POMT1: variants seen among roughly 807,000 people sequenced by gnomAD.
POMT1 encodes protein O-mannosyl-transferase 1.
Under a neutral mutation model 101.6 loss-of-function variants are expected in POMT1, and 85 were observed. The ratio of observed to expected loss-of-function variants is 0.84; its 90% CI spans 0.70 to 1.00. The LOEUF (loss-of-function observed/expected upper bound fraction) is 1.00. Ranked by LOEUF, POMT1 falls within the 50% of genes least tolerant of loss-of-function variation. The pLI is 0.00. For missense variants in POMT1, 857 were observed against 930.4 expected (o/e 0.92, Z 1.03); for synonymous variants, 371 against 383.0 (o/e 0.97, Z 0.37).
Position 131,519,416 on chromosome 9 carries a change from AGCTGCACTCACCTGCGCAG to A in POMT1, c.1516_1534del (p.Leu506TrpfsTer23). On this transcript the variant is annotated frameshift_variant, in exon 16 of 20. Transcript: ENST00000402686. LOFTEE classifies it high-confidence loss of function. The surrounding 1 kb of genome is among the most constrained non-coding windows in gnomAD (Gnocchi z 4.3). ...CAGGAGCAGAGGGAGCGGGAACGGGAGCTGCACTCACCTGCGCAGGTGGACGTCAGCAGGAACCTCAGCT... is the reference window on the plus strand; with the variant it reads ...CAGGAGCAGAGGGAGCGGGAACGGGAGTGGACGTCAGCAGGAACCTCAGCT... The A allele has an allele frequency of 6.4e-7, 1 of 1,552,058 alleles. No homozygotes were observed. Among genetic ancestry groups the A allele is most frequent in the Non-Finnish European group, 8.7e-7 (1 of 1,147,268 alleles).
Position 131,522,455 on chromosome 9 carries a change from G to A in POMT1, c.2003+231G>A. On this transcript the variant is annotated intron_variant, in intron 19 of 19. Transcript: ENST00000402686. This position sits in a 1 kb window ranked among gnomAD's most constrained non-coding sequence, Gnocchi z 5.5. ...CAGAGATGAAAGCGGAGTGGGTGGGGAGACGGGGAGGGGATGAAGAGATGT... is the reference window on the plus strand; with the variant it reads ...CAGAGATGAAAGCGGAGTGGGTGGGAAGACGGGGAGGGGATGAAGAGATGT... 1 of 857,430 alleles carries A rather than the reference G, an allele frequency of 1.2e-6. No individual in the cohort carries two copies. Among genetic ancestry groups the A allele is most frequent in the Non-Finnish European group, 1.7e-6 (1 of 571,826 alleles). 53.1% of individuals were successfully genotyped at this position (857,430 alleles called of 1,614,324 possible). A position where few individuals can be genotyped will look rare whatever the true frequency, so the allele number is the denominator to read the frequency against.
rs1296497376 is a variant in POMT1, at chr9:131,518,433, G to C, written c.1273-12G>C. 6.2e-7 allele frequency: 1 copy of C among 1,603,704 alleles called. No homozygotes were observed. The highest frequency in any genetic ancestry group is 1.3e-5 in the African/African-American group (1 of 74,698). ...AAAGGAATGAAATAATCCTTGAGAT[G>C]TCTTTTTGCAGGAAATTGTGAACAG... On this transcript the variant is annotated splice_polypyrimidine_tract_variant and intron_variant, in intron 13 of 19. Coordinates refer to ENST00000402686, the MANE Select transcript of POMT1 (RefSeq NM_001077365.2).
In POMT1 at chr9:131,523,002, A is replaced by G; in HGVS notation, c.2074A>G (p.Asn692Asp). ...AWYSSACHVS[N>D]TLRPLTYGDK... ...GTACTCCTCCGCGTGCCACGTGTCC[A>G]ACACGCTGCGCCCACTCACCTACGG... Residue 692 changes from asparagine to aspartate, a missense_variant, in exon 20 of 20, where the codon AAC becomes GAC. By Grantham distance (23) the Asn-to-Asp change is conservative (BLOSUM62 1). Coordinates refer to ENST00000402686, the MANE Select transcript of POMT1 (RefSeq NM_001077365.2). 6.2e-7 allele frequency: 1 copy of G among 1,609,188 alleles called. No homozygotes were observed. Among genetic ancestry groups the G allele is most frequent in the East Asian group, 2.2e-5 (1 of 44,870 alleles).
intron 2 of POMT1, among the ~76,000 whole-genome samples, chr9:131,504,755 ATGTGTGTG>A (rs1049729805): frequency 4.7e-4 from 70 of 148,902 alleles, no homozygotes; most frequent in Admixed American, 1.5e-3. Context: ...TAATGTGTGT[ATGTGTGTG>A]TGTGTGTGTG....
In POMT1 at chr9:131,521,248, A is replaced by G. The variant is rs569499257; in HGVS notation, c.1699-98A>G. 332 of 1,554,608 alleles carry G rather than the reference A, an allele frequency of 2.1e-4. 7 individuals carry two copies. The South Asian group carries it at 3.3e-3, about 16-fold the overall frequency. ...GTGCCTGGCGTTTTTTCACTCTGCTAAAGTAGTGCGTGCATCTGAATTCCT... is the reference window on the plus strand; with the variant it reads ...GTGCCTGGCGTTTTTTCACTCTGCTGAAGTAGTGCGTGCATCTGAATTCCT... On this transcript the variant is annotated intron_variant, in intron 17 of 19. Coordinates refer to ENST00000402686, the MANE Select transcript of POMT1 (RefSeq NM_001077365.2).
In POMT1 at chr9:131,519,399, G is replaced by A; in HGVS notation, c.1497G>A (p.Gln499=). The A allele has an allele frequency of 1.3e-6, 2 of 1,551,960 alleles. No homozygotes were observed. The highest frequency in any genetic ancestry group is 1.7e-6 in the Non-Finnish European group (2 of 1,147,218). ...EEHRYGASQE[Q]RERERELHSP... is the part of the protein sequence containing the mutation. Reference sequence around the variant, plus strand: ...TGTCTGTTCTGCCAGGCCAGGAGCAGAGGGAGCGGGAACGGGAGCTGCACT... The same window carrying A: ...TGTCTGTTCTGCCAGGCCAGGAGCAAAGGGAGCGGGAACGGGAGCTGCACT... The change falls in exon 16 of 20, where the codon CAG becomes CAA. Residue 499 remains glutamine, a synonymous_variant. Transcript: ENST00000402686. The surrounding 1 kb of genome is among the most constrained non-coding windows in gnomAD (Gnocchi z 4.3).
chr9:131,521,864 C>T (rs964529676), intron 18 of POMT1, among the ~76,000 whole-genome samples, 183 bp from the exon 19 acceptor site: 6 of 152,156 alleles, frequency 3.9e-5, no homozygotes, highest in African/African-American at 1.2e-4. Context: ...AGGCCGGGCG[C>T]GGTGGCTTAC....
chr9:131,518,628 C>G, intron 14 of POMT1, 91 bp downstream of exon 14: 1 of 1,418,604 alleles, frequency 7.0e-7, no homozygotes, highest in Non-Finnish European at 1.0e-6. Context: ...TCTCTGCAGG[C>G]GGAACGCTTC....
At chr9:131,507,861 G>A (rs1946199086) in intron 5 of POMT1, among the ~76,000 whole-genome samples, 1 of 152,218 alleles carries the variant, frequency 6.6e-6, no homozygotes, top group South Asian at 2.1e-4. Flanking sequence ...AATTGAGATG[G>A]ACTCGTGAGT....
chr9:131,511,263 G>A, intron 9 of POMT1, 74 bp from the exon 10 acceptor site: 2 of 1,475,372 alleles, frequency 1.4e-6, no homozygotes, highest in Admixed American at 1.9e-5. Context: ...AGGGAGGAGT[G>A]GCCATCGGGA....
Position 131,502,941 on chromosome 9 carries a change from A to G in POMT1, c.-163A>G, listed in dbSNP as rs1255620864. ...CCGTCTGGCCCCGCAGGCTCGGTGA[A>G]TCGAACGTTGAGCAGGGCGGTGGGT... On this transcript the variant is annotated 5_prime_UTR_variant, in exon 1 of 20. Coordinates refer to ENST00000402686, the MANE Select transcript of POMT1 (RefSeq NM_001077365.2). 2 of 152,252 alleles carry G rather than the reference A, an allele frequency of 1.3e-5. No individual in the cohort carries two copies. The highest frequency in any genetic ancestry group is 2.9e-5 in the Non-Finnish European group (2 of 68,070). The allele number at this position is 152,252 out of a possible 1,614,324, so 9.4% of individuals were successfully genotyped here. A position where few individuals can be genotyped will look rare whatever the true frequency, so the allele number is the denominator to read the frequency against.
At position 131,503,984 on chromosome 9, in the gene POMT1, A is replaced by AT. The variant is rs1405381023; in HGVS notation, c.-30-204dup. 2.6e-5 allele frequency among the ~76,000 whole-genome samples: 4 copies of AT among 152,098 alleles called. No homozygotes were observed. Among genetic ancestry groups the AT allele is most frequent in the Admixed American group, 1.3e-4 (2 of 15,280 alleles). ...AAAGGAGTGAATGTCCAGTCCTGAG[A>AT]TCCCCTGAATTCCCACCCGAGTTCA... On this transcript the variant is annotated intron_variant, in intron 1 of 19. Coordinates refer to ENST00000402686, the MANE Select transcript of POMT1 (RefSeq NM_001077365.2). The surrounding 1 kb of genome is among the most constrained non-coding windows in gnomAD (Gnocchi z 4.4).
intron 9 of POMT1, chr9:131,510,832 T>TA (rs1243968748): frequency 5.9e-6 from 2 of 337,678 alleles, no homozygotes; most frequent in Non-Finnish European, 1.1e-5. Context: ...AGTCAAGTCT[T>TA]ACAAACCCTG....
chr9:131,515,663 C>T, intron 13 of POMT1, 141 bp downstream of exon 13: 1 of 795,740 alleles, frequency 1.3e-6, no homozygotes, highest in South Asian at 1.4e-5. Flanking sequence ...CTTCCTCTAA[C>T]ACGGAGCACT....
Position 131,520,986 on chromosome 9 carries a change from T to C in POMT1, c.1699-360T>C, listed in dbSNP as rs1458924651. 12 of 346,648 alleles carry C rather than the reference T, an allele frequency of 3.5e-5. No individual in the cohort carries two copies. In the Admixed American group the frequency reaches 4.7e-4, roughly 14 times the overall value. The allele number at this position is 346,648 out of a possible 1,614,324, so 21.5% of individuals were successfully genotyped here. On this transcript the variant is annotated intron_variant, in intron 17 of 19. Coordinates refer to ENST00000402686, the MANE Select transcript of POMT1 (RefSeq NM_001077365.2). ...GCCTCCAAGTAGCTGGTATTACAGGTGCCCACCGCAATGCCCAGCTAATTT... is the reference window on the plus strand; with the variant it reads ...GCCTCCAAGTAGCTGGTATTACAGGCGCCCACCGCAATGCCCAGCTAATTT...
chr9:131,515,902 A>G (rs1404829091), intron 13 of POMT1, among the ~76,000 whole-genome samples: 2 of 117,342 alleles, frequency 1.7e-5, no homozygotes, highest in African/African-American at 6.4e-5. Context: ...CACATGGAGC[A>G]CTTCCTCACA....
In POMT1 at chr9:131,522,073, G is replaced by A. The variant is rs1400938636; in HGVS notation, c.1852G>A (p.Gly618Arg). 2 of 1,613,992 alleles carry A rather than the reference G, an allele frequency of 1.2e-6. No individual in the cohort carries two copies. The highest frequency in any genetic ancestry group is 1.7e-6 in the Non-Finnish European group (2 of 1,180,044). Residue 618 changes from glycine (G) to arginine (R), a missense_variant, in exon 19 of 20, where the codon GGG (glycine) becomes AGG (arginine). Gly to Arg is a moderately radical substitution (Grantham distance 125, BLOSUM62 -2). Transcript: ENST00000402686. The surrounding 1 kb of genome is among the most constrained non-coding windows in gnomAD (Gnocchi z 5.5). Reference sequence around the variant, plus strand: ...TGCCTGGCTGCGCTGGGTGCTGGCTGGGGCGCTGTGTGCCGGTGGCTGGGC... The same window carrying A: ...TGCCTGGCTGCGCTGGGTGCTGGCTAGGGCGCTGTGTGCCGGTGGCTGGGC... ...QDAWLRWVLA[G>R]ALCAGGWAVN...
At chr9:131,511,649 G>T in intron 10 of POMT1, 182 bp downstream of exon 10, 3 of 808,306 alleles carry the variant, frequency 3.7e-6, no homozygotes, top group Non-Finnish European at 5.9e-6. Flanking sequence ...GGGACTTGGC[G>T]TGTGGCAGGG....
rs1169515484 is a variant in POMT1, at chr9:131,523,458, T to C, written c.*352T>C. On this transcript the variant is annotated 3_prime_UTR_variant, in exon 20 of 20. Transcript: ENST00000402686. ...CCAGGGCCTGGTCCTTGCTAACTGC[T>C]GCAGGGTGGAGTTTGATCTGGCAGA... is the stretch of plus-strand genomic sequence containing the variant. The C allele has an allele frequency of 1.5e-5, 5 of 342,252 alleles. No individual in the cohort carries two copies. Among genetic ancestry groups the C allele is most frequent in the South Asian group, 2.5e-5 (1 of 40,442 alleles). The allele number at this position is 342,252 out of a possible 1,614,324, so 21.2% of individuals were successfully genotyped here.
Sources: gnomAD v4.1 joint callset for allele counts (sites outside exome capture counted in the v4.1 genomes callset) on GRCh38, gnomAD v4.1.1 for gene constraint, Gnocchi (gnomAD v3.1) non-coding constraint, MANE v1.5 for transcripts, NCBI Gene and HGNC (gene_info 2026-07-23, HGNC 2026-07-21) for gene names.